ESPNL: variants seen among roughly 807,000 people sequenced by gnomAD.
ESPNL encodes espin-like protein.
Under a neutral mutation model 46.8 loss-of-function variants are expected in ESPNL, and 49 were observed. The observed-to-expected ratio is 1.05, with a 90% CI of 0.83 to 1.33. The LOEUF is 1.33. Among genes scored for constraint, ESPNL ranks in the 40% most tolerant of loss-of-function variants. The pLI, the probability that ESPNL is intolerant of heterozygous loss-of-function variation, is 0.00. For missense variants in ESPNL, 1,540 were observed against 1,436.6 expected (o/e 1.07, Z -1.16); for synonymous variants, 664 against 662.1 (o/e 1.00, Z -0.04).
Position 238,130,470 on chromosome 2 carries a change from G to GT in ESPNL, c.1757dup (p.Gln587AlafsTer32). 6.2e-7 allele frequency: 1 copy of GT among 1,600,210 alleles called. No homozygotes were observed. Among genetic ancestry groups the GT allele is most frequent in the Non-Finnish European group, 8.5e-7 (1 of 1,173,840 alleles). ...GGAGGCCTCAGAGGTGGCCCCCGGG[G>GT]TGCAGCCCCTGCCCTTCTGGTGCAG... On this transcript the variant is annotated frameshift_variant, in exon 9 of 9. Transcript: ENST00000343063. LOFTEE classifies it low-confidence loss of function (END_TRUNC).
intron 5 of ESPNL, among the ~76,000 whole-genome samples, chr2:238,118,665 GTGGATGGAGGAGGA>G (rs1691888281): frequency 7.1e-6 from 1 of 141,502 alleles, no homozygotes; most frequent in Admixed American, 7.0e-5. Context: ...TTGGAGGAGG[GTGGATGGAGGAGGA>G]GAGATGGAGG....
Position 238,131,070 on chromosome 2 carries a change from T to A in ESPNL, c.2356T>A (p.Ser786Thr), listed in dbSNP as rs1160209571. 1 of 1,540,178 alleles carries A rather than the reference T, an allele frequency of 6.5e-7. No homozygotes were observed. The highest frequency in any genetic ancestry group is 2.0e-5 in the Admixed American group (1 of 50,778). Reference protein sequence around the residue: ...QEAARSPGPPSPPSEGPRLGH... With the variant: ...QEAARSPGPPTPPSEGPRLGH... The stretch of plus-strand genomic sequence containing the variant: ...GGCCGCCAGGAGCCCTGGGCCACCC[T>A]CCCCGCCCAGCGAGGGCCCCCGGCT... Residue 786 changes from serine (S) to threonine (T), a missense_variant, in exon 9 of 9, where the codon TCC becomes ACC. By Grantham distance (58) the Ser-to-Thr change is moderately conservative. Transcript: ENST00000343063.
In ESPNL at chr2:238,102,155, G is replaced by T. The variant is rs10186290; in HGVS notation, c.485+24G>T. 2.2e-3 allele frequency: 3,375 copies of T among 1,506,732 alleles called. 77 individuals are homozygous for T. The African/African-American group carries it at 0.041, about 18-fold the overall frequency. The allele number at this position is 1,506,732 out of a possible 1,614,324, so 93.3% of individuals were successfully genotyped here. The stretch of plus-strand genomic sequence containing the variant: ...AGGTAAGGAGCCCAAAGTCCCGCCT[G>T]GGGGGGCAGCCTGGGGCGAGCTGGC... On this transcript the variant is annotated intron_variant, in intron 2 of 8. Transcript: ENST00000343063.
At chr2:238,127,886 A>G in intron 7 of ESPNL, 152 bp downstream of exon 7, 2 of 624,040 alleles carry the variant, frequency 3.2e-6, no homozygotes, top group Non-Finnish European at 5.6e-6. Flanking sequence ...TGCTCTCGAG[A>G]ACACCCTGAG....
intron 3 of ESPNL, among the ~76,000 whole-genome samples, chr2:238,106,780 C>A (rs908537444): frequency 5.9e-5 from 9 of 152,104 alleles, no homozygotes; most frequent in Admixed American, 4.6e-4. Flanking sequence ...GAGGCATGAG[C>A]GGCCTTCCTG....
At chr2:238,107,715 TCTGC>T (rs1454404868) in intron 3 of ESPNL, 72 bp from the exon 4 acceptor site, 9 of 1,409,574 alleles carry the variant, frequency 6.4e-6, no homozygotes, top group Non-Finnish European at 8.6e-6. Flanking sequence ...CACTTTCACT[TCTGC>T]TCCAAGCCCC....
intron 5 of ESPNL, among the ~76,000 whole-genome samples, chr2:238,123,351 TC>T (rs1360671959): frequency 6.6e-6 from 1 of 152,166 alleles, no homozygotes; most frequent in Non-Finnish European, 1.5e-5. Context: ...GAGACTCTCA[TC>T]CCGGCTCTGC....
At chr2:238,111,718 A>G (rs981283600) in intron 4 of ESPNL, among the ~76,000 whole-genome samples, 2 of 152,148 alleles carry the variant, frequency 1.3e-5, no homozygotes, top group African/African-American at 2.4e-5. Flanking sequence ...CCTTTTGACT[A>G]TTGTGAATCA....
At chr2:238,104,540 G>A (rs967062464) in intron 2 of ESPNL, 116 bp from the exon 3 acceptor site, 28 of 1,200,958 alleles carry the variant, frequency 2.3e-5, no homozygotes, top group Non-Finnish European at 3.2e-5. Context: ...TGGAAAGCAT[G>A]TGGGAAACTC....
At position 238,118,333 on chromosome 2, in the gene ESPNL, GTGGATGGAGGAGGAA is replaced by G. The variant is rs1194156641; in HGVS notation, c.987+1328_987+1342del. 7.4e-3 allele frequency among the ~76,000 whole-genome samples: 983 copies of G among 132,710 alleles called. 9 individuals are homozygous for G. Among genetic ancestry groups the G allele is most frequent in the Middle Eastern group, 0.013 (3 of 240 alleles). 87.1% of individuals were successfully genotyped at this position (132,710 alleles called of 152,430 possible). On this transcript the variant is annotated intron_variant, in intron 5 of 8. Coordinates refer to ENST00000343063, the MANE Select transcript of ESPNL (RefSeq NM_194312.4). ...AGATGGAGGAGGGTGGGTGGAGAAG[GTGGATGGAGGAGGAA>G]TGGATGGAGGAGGAATGGATGGAGG... is the stretch of plus-strand genomic sequence containing the variant.
chr2:238,109,098 C>A (rs900408880), intron 4 of ESPNL, among the ~76,000 whole-genome samples: 1 of 152,194 alleles, frequency 6.6e-6, no homozygotes, highest in African/African-American at 2.4e-5. Context: ...GGAGGGGTGA[C>A]CCGCAGGCCC....
In ESPNL at chr2:238,128,879, G is replaced by A. The variant is rs901260203; in HGVS notation, c.1388G>A (p.Gly463Asp). The A allele has an allele frequency of 9.1e-6, 14 of 1,544,156 alleles. No individual in the cohort carries two copies. The highest frequency in any genetic ancestry group is 1.4e-5 in the African/African-American group (1 of 72,978). The stretch of plus-strand genomic sequence containing the variant: ...GTGCGGAAGCTGCAGGCGCGCCTGG[G>A]CGCAGAGAGCTCCGCAGAGGCCCAG... ...VMVRKLQARLGAESSAEAQDN... is the reference protein window; with the variant it reads ...VMVRKLQARLDAESSAEAQDN... The change falls in exon 8 of 9, where the codon GGC becomes GAC. Residue 463 changes from glycine to aspartate, a missense_variant. Gly to Asp is a moderately conservative substitution (Grantham distance 94). Coordinates refer to ENST00000343063, the MANE Select transcript of ESPNL (RefSeq NM_194312.4).
intron 5 of ESPNL, among the ~76,000 whole-genome samples, chr2:238,121,645 G>A (rs907477833): frequency 7.2e-5 from 11 of 152,094 alleles, no homozygotes; most frequent in Non-Finnish European, 1.5e-4. Flanking sequence ...TGATCCTCCC[G>A]CCTCTGCCTC....
intron 4 of ESPNL, among the ~76,000 whole-genome samples, chr2:238,109,814 T>C (rs915567182): frequency 1.3e-5 from 2 of 152,122 alleles, no homozygotes; most frequent in Non-Finnish European, 1.5e-5. Flanking sequence ...CCATTTAGGA[T>C]GCCATACGTT....
intron 4 of ESPNL, among the ~76,000 whole-genome samples, chr2:238,113,655 C>T (rs750617273): frequency 2.7e-4 from 41 of 152,176 alleles, no homozygotes; most frequent in East Asian, 5.8e-4. Context: ...CATCTTAATC[C>T]GCATTCCAGG....
intron 5 of ESPNL, among the ~76,000 whole-genome samples, chr2:238,119,767 C>T (rs965804760): frequency 1.3e-5 from 2 of 152,068 alleles, no homozygotes; most frequent in Non-Finnish European, 1.5e-5. Flanking sequence ...AAGGTGTCAT[C>T]GCCCTCCACC....
intron 5 of ESPNL, among the ~76,000 whole-genome samples, chr2:238,119,340 AGGGT>A (rs1691921861): frequency 7.2e-6 from 1 of 138,702 alleles, no homozygotes; most frequent in African/African-American, 2.7e-5. Flanking sequence ...TGGATGGAGG[AGGGT>A]GAATGGAGGA....
At chr2:238,128,530 C>G (rs944858722) in intron 7 of ESPNL, among the ~76,000 whole-genome samples, 177 bp from the exon 8 acceptor site, 2 of 152,154 alleles carry the variant, frequency 1.3e-5, no homozygotes, top group Non-Finnish European at 2.9e-5. Context: ...TGAGGCCTCA[C>G]TCTTAAGCTG....
intron 4 of ESPNL, among the ~76,000 whole-genome samples, chr2:238,115,315 G>T (rs975511958): frequency 1.3e-5 from 2 of 152,208 alleles, no homozygotes; most frequent in Non-Finnish European, 2.9e-5. Context: ...ACTCGCCCTC[G>T]AGGTCTCAAG....
Sources: gnomAD v4.1 joint callset for allele counts (sites outside exome capture counted in the v4.1 genomes callset) on GRCh38, gnomAD v4.1.1 for gene constraint, MANE v1.5 for transcripts, NCBI Gene and HGNC (gene_info 2026-07-23, HGNC 2026-07-21) for gene names.